Variants in SPATA17 observed in about 807,000 individuals in gnomAD.
SPATA17 encodes spermatogenesis-associated protein 17.
A neutral mutation model predicts 62.2 loss-of-function variants in SPATA17; 53 were observed. The ratio of observed to expected loss-of-function variants is 0.85; its 90% confidence interval spans 0.68 to 1.07. The LOEUF (loss-of-function observed/expected upper bound fraction) is 1.07. Ranked by LOEUF, SPATA17 falls within the 50% of genes least tolerant of loss-of-function variation. SPATA17 has a pLI of 0.00. For missense variants in SPATA17, 466 were observed against 425.5 expected, an observed-to-expected ratio of 1.10 and a Z score of -0.84; for synonymous variants, 146 against 146.8, an observed-to-expected ratio of 0.99 and a Z score of 0.04.
intron 5 of SPATA17, among the ~76,000 whole-genome samples, chr1:217,715,417 T>G (rs1047264604): frequency 1.3e-5 from 2 of 152,198 alleles, no homozygotes; most frequent in Admixed American, 1.3e-4. Context: ...TATTCCAATT[T>G]TAATCTTATA....
At chr1:217,852,868 C>T (rs951382771) in intron 9 of SPATA17, among the ~76,000 whole-genome samples, 1 of 152,076 alleles carries the variant, frequency 6.6e-6, no homozygotes, top group Non-Finnish European at 1.5e-5. Flanking sequence ...CTTTCCTGAC[C>T]ACCTGATTTG....
intron 9 of SPATA17, among the ~76,000 whole-genome samples, chr1:217,834,538 A>C (rs373699510): frequency 1.3e-5 from 2 of 152,118 alleles, no homozygotes; most frequent in South Asian, 2.1e-4. Context: ...CTTATTTTTT[A>C]ACAAAAATTT....
intron 1 of SPATA17, among the ~76,000 whole-genome samples, chr1:217,633,501 G>A (rs552083889): frequency 6.7e-6 from 1 of 148,162 alleles, no homozygotes; most frequent in Non-Finnish European, 1.5e-5. Flanking sequence ...ATCCCAGCAC[G>A]TTGGGAGGCC....
At chr1:217,733,231 G>T (rs1308617263) in intron 5 of SPATA17, among the ~76,000 whole-genome samples, 2 of 152,050 alleles carry the variant, frequency 1.3e-5, no homozygotes, top group East Asian at 3.9e-4. Context: ...AAATTTACTA[G>T]CATTACTCTT....
At chr1:217,780,586 T>C (rs1385740913) in intron 7 of SPATA17, among the ~76,000 whole-genome samples, 1 of 152,192 alleles carries the variant, frequency 6.6e-6, no homozygotes, top group Non-Finnish European at 1.5e-5. Flanking sequence ...AGGCATAACA[T>C]GGCCACCAAG....
chr1:217,788,889 A>G (rs1673926489), intron 8 of SPATA17, among the ~76,000 whole-genome samples: 1 of 152,180 alleles, frequency 6.6e-6, no homozygotes, highest in South Asian at 2.1e-4. Context: ...TGTTCTTCCT[A>G]AAGGTTTTCA....
At chr1:217,853,641 C>T (rs551130277) in intron 9 of SPATA17, among the ~76,000 whole-genome samples, 20 of 152,262 alleles carry the variant, frequency 1.3e-4, no homozygotes, top group African/African-American at 2.6e-4. Flanking sequence ...TGGTGAATAA[C>T]GAACCATTGT....
intron 6 of SPATA17, among the ~76,000 whole-genome samples, chr1:217,762,082 C>T (rs941919461): frequency 6.6e-6 from 1 of 152,118 alleles, no homozygotes; most frequent in Non-Finnish European, 1.5e-5. Context: ...TCACTGTTTG[C>T]TCTTTTGAGT....
At chr1:217,827,228 T>C (rs1346602584) in intron 9 of SPATA17, among the ~76,000 whole-genome samples, 1 of 152,022 alleles carries the variant, frequency 6.6e-6, no homozygotes, top group Non-Finnish European at 1.5e-5. Context: ...AAATTAAATA[T>C]TTTTACTAAA....
chr1:217,801,804 A>G lies in SPATA17; in HGVS notation c.959A>G (p.Lys320Arg). 1 of 1,611,646 alleles carries G rather than the reference A, an allele frequency of 6.2e-7. No individual in the cohort carries two copies. The highest frequency in any genetic ancestry group is 8.5e-7 in the Non-Finnish European group (1 of 1,179,142). ...LSSKYGPISY[K>R]EQFRSENPKK... ...AGCAAGTATGGTCCTATTTCTTACA[A>G]AGAACAATTCCGAAGTGAAAATCCT... Residue 320 changes from lysine to arginine, a missense_variant, in exon 9 of 11, where the codon AAA (lysine) becomes AGA (arginine). By Grantham distance (26) the Lys-to-Arg change is conservative (BLOSUM62 2). Coordinates refer to ENST00000366933, the MANE Select transcript of SPATA17 (RefSeq NM_138796.4).
chr1:217,825,926 T>C lies in SPATA17; in HGVS notation c.1005+24076T>C, dbSNP rs571121189. Among the ~76,000 whole-genome samples the C allele has an allele frequency of 1.4e-4, 22 of 152,268 alleles. 1 individual carries two copies. The highest frequency in any genetic ancestry group is 4.8e-4 in the African/African-American group (20 of 41,570). On this transcript the variant is annotated intron_variant, in intron 9 of 10. Transcript: ENST00000366933. ...GATTCTACACATTTGTTGTTAGATT[T>C]ATTCCTAAGTAATTTATATTTTATT...
At chr1:217,807,976 C>G (rs1260890039) in intron 9 of SPATA17, among the ~76,000 whole-genome samples, 2 of 152,116 alleles carry the variant, frequency 1.3e-5, no homozygotes, top group Admixed American at 6.6e-5. Context: ...CATGCCATAC[C>G]TATCACATGG....
At chr1:217,697,387 A>T (rs1215220102) in intron 5 of SPATA17, among the ~76,000 whole-genome samples, 2 of 152,234 alleles carry the variant, frequency 1.3e-5, no homozygotes, top group East Asian at 3.8e-4. Context: ...CCAGGATCTA[A>T]TTGTATTACA....
chr1:217,724,189 G>T (rs1672203735), intron 5 of SPATA17, among the ~76,000 whole-genome samples: 1 of 151,990 alleles, frequency 6.6e-6, no homozygotes, highest in Non-Finnish European at 1.5e-5. Context: ...CTATATTAAT[G>T]GACATTTAAT....
chr1:217,856,577 C>T (rs1297893232), intron 9 of SPATA17, among the ~76,000 whole-genome samples: 1 of 152,198 alleles, frequency 6.6e-6, no homozygotes, highest in Admixed American at 6.5e-5. Context: ...ACTGATAATG[C>T]ATCATCCACT....
intron 5 of SPATA17, among the ~76,000 whole-genome samples, chr1:217,684,304 G>A (rs1252656226): frequency 6.6e-6 from 1 of 152,056 alleles, no homozygotes; most frequent in East Asian, 1.9e-4. Context: ...ATGACCATAT[G>A]CATATAGTAC....
At chr1:217,827,165 C>T (rs575034801) in intron 9 of SPATA17, among the ~76,000 whole-genome samples, 1 of 151,826 alleles carries the variant, frequency 6.6e-6, no homozygotes, top group Non-Finnish European at 1.5e-5. Flanking sequence ...GATTAATTTG[C>T]CCTTTATTAA....
chr1:217,658,554 C>G (rs1169414928), intron 3 of SPATA17, among the ~76,000 whole-genome samples: 1 of 152,024 alleles, frequency 6.6e-6, no homozygotes, highest in African/African-American at 2.4e-5. Context: ...GTCAGGAGAT[C>G]AAGACCATCC....
chr1:217,794,896 A>T (rs1256792462), intron 8 of SPATA17, among the ~76,000 whole-genome samples: 1 of 152,206 alleles, frequency 6.6e-6, no homozygotes, highest in Non-Finnish European at 1.5e-5. Flanking sequence ...CTTGAACTAG[A>T]TTTTGCTTGT....
Sources: gnomAD v4.1 joint callset for allele counts (sites outside exome capture counted in the v4.1 genomes callset) on GRCh38, gnomAD v4.1.1 for gene constraint, MANE v1.5 for transcripts, NCBI Gene and HGNC (gene_info 2026-07-23, HGNC 2026-07-21) for gene names.